The following CDH13 variants were observed in gnomAD, a reference collection of about 807,000 sequenced individuals.
CDH13 encodes the protein cadherin 13.
A neutral mutation model predicts 63.8 loss-of-function variants in CDH13; 24 were observed. The ratio of observed to expected loss-of-function variants is 0.38; its 90% CI spans 0.27 to 0.53. The LOEUF is 0.53. Among genes scored for constraint, CDH13 ranks in the 20% least tolerant of loss-of-function variants. The probability of loss-of-function intolerance (pLI) is 0.85; values close to 1 mark genes in which losing one functional copy is unlikely to be tolerated. For missense variants in CDH13, 1,049 were observed against 903.1 expected (o/e 1.16, Z -2.07); for synonymous variants, 503 against 355.3 (o/e 1.42, Z -4.67).
chr16:83,028,565 C>T (rs545918675), intron 2 of CDH13, among the ~76,000 whole-genome samples: 12 of 152,304 alleles, frequency 7.9e-5, no homozygotes, highest in Middle Eastern at 3.4e-3. Flanking sequence ...ACAAGACCTA[C>T]GTAGATACCT....
chr16:82,977,988 A>G (rs532691747), intron 2 of CDH13, among the ~76,000 whole-genome samples: 52 of 152,282 alleles, frequency 3.4e-4, no homozygotes, highest in African/African-American at 1.1e-3. Flanking sequence ...TCAAATGAAG[A>G]TGAGGAACTT....
At chr16:83,326,858 C>T (rs1047929061) in intron 5 of CDH13, among the ~76,000 whole-genome samples, 6 of 152,144 alleles carry the variant, frequency 3.9e-5, no homozygotes, top group Non-Finnish European at 7.4e-5. Flanking sequence ...TACTCCTAAG[C>T]CCAGAACCTA....
At chr16:83,586,304 C>A (rs1009171849) in intron 7 of CDH13, among the ~76,000 whole-genome samples, 1 of 152,134 alleles carries the variant, frequency 6.6e-6, no homozygotes, top group African/African-American at 2.4e-5. Context: ...GGGATTTCCT[C>A]CCAGAGAGAG....
At chr16:82,802,889 T>C (rs34756248) in intron 1 of CDH13, among the ~76,000 whole-genome samples, 13,392 of 152,266 alleles carry the variant, frequency 0.088, 648 homozygotes, top group South Asian at 0.11. Context: ...GTTGCATGTG[T>C]GCTTTACCTT....
At chr16:83,260,413 C>G (rs184204974) in intron 5 of CDH13, among the ~76,000 whole-genome samples, 231 of 152,332 alleles carry the variant, frequency 1.5e-3, no homozygotes, top group Middle Eastern at 0.01. Context: ...TTATTAGTAT[C>G]TATTTCTCAT....
At chr16:83,314,018 G>C (rs1383872366) in intron 5 of CDH13, among the ~76,000 whole-genome samples, 4 of 152,132 alleles carry the variant, frequency 2.6e-5, no homozygotes, top group Non-Finnish European at 1.5e-5. Flanking sequence ...TCAAGACATT[G>C]TTGTTCTGTA....
chr16:83,006,826 C>A (rs1913547633), intron 2 of CDH13, among the ~76,000 whole-genome samples: 1 of 152,150 alleles, frequency 6.6e-6, no homozygotes, highest in Non-Finnish European at 1.5e-5. Context: ...TTGAAATTCA[C>A]TGAAGTAAGG....
chr16:82,826,324 C>G (rs910055086), intron 1 of CDH13: 1 of 152,146 alleles, frequency 6.6e-6, no homozygotes. Context: ...ATGGCAGGTG[C>G]TTAAATTGTC....
chr16:82,851,894 C>G (rs917735795), intron 1 of CDH13, among the ~76,000 whole-genome samples: 54 of 152,196 alleles, frequency 3.5e-4, no homozygotes, highest in African/African-American at 1.2e-3. Context: ...CTAAGACCCT[C>G]CAAATTGATC....
chr16:83,192,004 A>G (rs1299302246), intron 4 of CDH13, among the ~76,000 whole-genome samples: 1 of 152,164 alleles, frequency 6.6e-6, no homozygotes, highest in African/African-American at 2.4e-5. Flanking sequence ...TGTAGAATTG[A>G]TATGACGGTT....
intron 6 of CDH13, among the ~76,000 whole-genome samples, chr16:83,406,764 C>A (rs773984891): frequency 5.3e-5 from 8 of 152,186 alleles, no homozygotes; most frequent in African/African-American, 9.7e-5. Flanking sequence ...CCACACCCAG[C>A]CAGCTCTGCC....
chr16:82,877,837 G>C (rs1032179278), intron 2 of CDH13, among the ~76,000 whole-genome samples: 2 of 150,620 alleles, frequency 1.3e-5, no homozygotes, highest in African/African-American at 4.9e-5. Flanking sequence ...TGTAACCTGG[G>C]GGCCAGGGAA....
intron 1 of CDH13, among the ~76,000 whole-genome samples, chr16:82,668,883 C>G (rs1362533854): frequency 3.9e-5 from 6 of 152,206 alleles, no homozygotes; most frequent in Non-Finnish European, 8.8e-5. Context: ...TGGACTTCAG[C>G]AAGTTCCAGA....
At chr16:83,616,516 C>G (rs1909295653) in intron 8 of CDH13, among the ~76,000 whole-genome samples, 1 of 152,120 alleles carries the variant, frequency 6.6e-6, no homozygotes. Flanking sequence ...CGAGCCACTC[C>G]ATAGCACAGT....
chr16:82,846,280 C>G (rs1162314002), intron 1 of CDH13, among the ~76,000 whole-genome samples: 1 of 152,034 alleles, frequency 6.6e-6, no homozygotes, highest in Non-Finnish European at 1.5e-5. Context: ...GCATGTTGTT[C>G]CTTCTTCTTT....
At chr16:83,157,631 A>T (rs1215846967) in intron 4 of CDH13, among the ~76,000 whole-genome samples, 1 of 151,792 alleles carries the variant, frequency 6.6e-6, no homozygotes, top group Non-Finnish European at 1.5e-5. Flanking sequence ...GCGGTGGTTC[A>T]CACCTGTCAT....
At chr16:83,183,922 T>C (rs141024645) in intron 4 of CDH13, among the ~76,000 whole-genome samples, 1 of 152,106 alleles carries the variant, frequency 6.6e-6, no homozygotes, top group Non-Finnish European at 1.5e-5. Flanking sequence ...AAAGAACCTT[T>C]TCATCACCAC....
intron 2 of CDH13, among the ~76,000 whole-genome samples, chr16:82,871,260 G>GGTCA (rs1328612488): frequency 1.3e-5 from 2 of 152,142 alleles, no homozygotes; most frequent in African/African-American, 4.8e-5. Flanking sequence ...GGAACCATGT[G>GGTCA]GTCAGACAGG....
intron 8 of CDH13, among the ~76,000 whole-genome samples, chr16:83,646,712 A>AAAAAAAACACAC (rs1168012793): frequency 7.5e-5 from 6 of 80,522 alleles, no homozygotes; most frequent in Non-Finnish European, 9.8e-5. Context: ...AAAAAAAAAA[A>AAAAAAAACACAC]ACACACACAC....
Sources: gnomAD v4.1 joint callset for allele counts (sites outside exome capture counted in the v4.1 genomes callset) on GRCh38, gnomAD v4.1.1 for gene constraint, MANE v1.5 for transcripts, NCBI Gene and HGNC (gene_info 2026-07-23, HGNC 2026-07-21) for gene names.